ADGRA1: variants seen among roughly 807,000 people sequenced by gnomAD.
The protein encoded by ADGRA1 is G-protein coupled receptor 123.
A neutral mutation model predicts 21.3 loss-of-function variants in ADGRA1; 12 were observed. The ratio of observed to expected loss-of-function variants is 0.56; its 90% CI spans 0.36 to 0.91. The LOEUF (loss-of-function observed/expected upper bound fraction) is 0.91. ADGRA1 is among the 40% of genes least tolerant of loss of function. ADGRA1 has a pLI of 0.01. For missense variants in ADGRA1, 790 were observed against 805.6 expected (o/e 0.98, Z 0.23); for synonymous variants, 385 against 368.8 (o/e 1.04, Z -0.50).
chr10:133,091,828 C>T (rs563540266), intron 2 of ADGRA1, among the ~76,000 whole-genome samples: 2 of 152,232 alleles, frequency 1.3e-5, no homozygotes, highest in Non-Finnish European at 2.9e-5. Flanking sequence ...GGAGACGAGG[C>T]GGGTAGCCAA....
chr10:133,096,833 G>GC (rs935547125), intron 2 of ADGRA1, 141 bp from the exon 3 acceptor site: 8 of 1,038,734 alleles, frequency 7.7e-6, no homozygotes, highest in Non-Finnish European at 9.7e-6. Flanking sequence ...TCCCCAGGCA[G>GC]CCCCCCTTCC....
At chr10:133,113,518 G>A (rs1190128676) in intron 5 of ADGRA1, among the ~76,000 whole-genome samples, 4 of 152,184 alleles carry the variant, frequency 2.6e-5, no homozygotes, top group African/African-American at 4.8e-5. Flanking sequence ...GGACCTGCCC[G>A]TGGCCACGCA....
chr10:133,122,800 G>GCCAGGCACACGCGTCC (rs1852297338), intron 5 of ADGRA1, among the ~76,000 whole-genome samples: 1 of 145,746 alleles, frequency 6.9e-6, no homozygotes, highest in African/African-American at 2.5e-5. Context: ...CGGTTCACCA[G>GCCAGGCACACGCGTCC]CCAGGCACAC....
chr10:133,117,119 C>T (rs753534489), intron 5 of ADGRA1, among the ~76,000 whole-genome samples: 11 of 152,026 alleles, frequency 7.2e-5, no homozygotes, highest in Admixed American at 2.0e-4. Flanking sequence ...CAGCTGGTCG[C>T]CAGTATCAGA....
At chr10:133,121,616 C>CTG (rs986081116) in intron 5 of ADGRA1, among the ~76,000 whole-genome samples, 8 of 86,424 alleles carry the variant, frequency 9.3e-5, no homozygotes, top group Non-Finnish European at 1.8e-4. Flanking sequence ...ATGTGAGTGC[C>CTG]TGTGTGTGTG....
Position 133,116,105 on chromosome 10 carries a change from G to C in ADGRA1, c.402-11128G>C, listed in dbSNP as rs563167578. 2.8e-5 allele frequency among the ~76,000 whole-genome samples: 4 copies of C among 141,424 alleles called. No individual in the cohort carries two copies. The South Asian group carries it at 9.7e-4, about 34-fold the overall frequency. The allele number at this position is 141,424 out of a possible 152,430, so 92.8% of individuals were successfully genotyped here. The stretch of plus-strand genomic sequence containing the variant: ...CTAGACGCATGCCTGGCCCACCCAC[G>C]CCGCTCTGCAGGGGCATTCCTCGTG... On this transcript the variant is annotated intron_variant, in intron 5 of 6. Transcript: ENST00000392607.
chr10:133,088,968 GC>G, intron 2 of ADGRA1, 56 bp downstream of exon 2: 1 of 1,235,596 alleles, frequency 8.1e-7, no homozygotes. Flanking sequence ...CTGCGGGGGG[GC>G]GGCCACCCGT....
chr10:133,100,880 C>A (rs1851779312), intron 4 of ADGRA1, among the ~76,000 whole-genome samples: 1 of 152,180 alleles, frequency 6.6e-6, no homozygotes, highest in Non-Finnish European at 1.5e-5. Context: ...GTGGGAGGTG[C>A]CTGCCGGACG....
At chr10:133,095,771 C>A in intron 2 of ADGRA1, 1 of 1,598,648 alleles carries the variant, frequency 6.3e-7, no homozygotes, top group Admixed American at 1.7e-5. Flanking sequence ...CTGCCTGCAT[C>A]CCGACACAGG....
intron 2 of ADGRA1, chr10:133,092,934 G>C: frequency 1.9e-6 from 3 of 1,561,006 alleles, no homozygotes; most frequent in Non-Finnish European, 2.6e-6. Flanking sequence ...GCACCTGGGA[G>C]GATATGTGTT....
chr10:133,098,709 C>T lies in ADGRA1; in HGVS notation c.201C>T (p.Phe67=). The T allele has an allele frequency of 6.2e-7, 1 of 1,612,012 alleles. No homozygotes were observed. The highest frequency in any genetic ancestry group is 8.5e-7 in the Non-Finnish European group (1 of 1,179,976). The change falls in exon 4 of 7, where the codon TTC becomes TTT. Residue 67 remains phenylalanine, a synonymous_variant. Coordinates refer to ENST00000392607, the MANE Select transcript of ADGRA1 (RefSeq NM_001083909.3). ...TCTGCTTCCACGCGGCCCTGACCTT[C>T]ACTGTGTTCGCCGGCGGCATCAATC... ...LNFCFHAALT[F]TVFAGGINRT...
chr10:133,100,796 A>C (rs921592432), intron 4 of ADGRA1, among the ~76,000 whole-genome samples: 8 of 152,214 alleles, frequency 5.3e-5, no homozygotes, highest in African/African-American at 1.9e-4. Flanking sequence ...ACATGGTCTC[A>C]CTGTGAAGCC....
chr10:133,129,628 ACCCC>A lies in ADGRA1; in HGVS notation c.*118_*121del. The A allele has an allele frequency of 1.8e-6, 1 of 542,264 alleles. No individual in the cohort carries two copies. The allele number at this position is 542,264 out of a possible 1,614,324, so 33.6% of individuals were successfully genotyped here. The stretch of plus-strand genomic sequence containing the variant: ...ACCCCGCCTTTCAGAAGCCGTTCAC[ACCCC>A]TGCCCCTTCCTTGTGATCACACCCC... On this transcript the variant is annotated 3_prime_UTR_variant, in exon 7 of 7. Transcript: ENST00000392607.
intron 2 of ADGRA1, among the ~76,000 whole-genome samples, chr10:133,096,555 G>C (rs1414751747): frequency 6.6e-6 from 1 of 152,244 alleles, no homozygotes; most frequent in Non-Finnish European, 1.5e-5. Flanking sequence ...GGCTCCCAGT[G>C]CAGGGCTGGG....
chr10:133,127,325 C>T lies in ADGRA1; in HGVS notation c.494C>T (p.Thr165Met), dbSNP rs542967776. ...AATTACGGGACAGAGGACGAGGACA[C>T]GGCGTAGTGAGTACCGGGCACCCAG... ...IRNYGTEDED[T>M]AYCWMAWEPS... Residue 165 changes from threonine (T) to methionine (M), a missense_variant, in exon 6 of 7, where the codon ACG becomes ATG. Transcript: ENST00000392607. 19 of 1,592,540 alleles carry T rather than the reference C, an allele frequency of 1.2e-5. No homozygotes were observed. Among genetic ancestry groups the T allele is most frequent in the East Asian group, 9.3e-5 (4 of 42,922 alleles).
chr10:133,089,772 C>G (rs1288079175), intron 2 of ADGRA1, among the ~76,000 whole-genome samples: 1 of 152,220 alleles, frequency 6.6e-6, no homozygotes, highest in Non-Finnish European at 1.5e-5. Flanking sequence ...AATGTCCAAG[C>G]AAGAGAGATG....
In ADGRA1 at chr10:133,116,727, C is replaced by T. The variant is rs180916267; in HGVS notation, c.402-10506C>T. Among the ~76,000 whole-genome samples, 7 of 152,204 alleles carry T rather than the reference C, an allele frequency of 4.6e-5. No individual in the cohort carries two copies. In the East Asian group the frequency reaches 1.4e-3, roughly 30 times the overall value. On this transcript the variant is annotated intron_variant, in intron 5 of 6. Transcript: ENST00000392607. ...GTGTGCCAGGTGGAGCCGATGGAGC[C>T]CCAGGCTTCCTTCCTTTTGGCCGCG...
intron 5 of ADGRA1, among the ~76,000 whole-genome samples, chr10:133,124,201 C>T (rs908173115): frequency 1.1e-4 from 17 of 149,426 alleles, no homozygotes; most frequent in Admixed American, 2.7e-4. Flanking sequence ...GGCTCTGCAC[C>T]CTCCCCGGCT....
Position 133,129,921 on chromosome 10 carries a change from G to A in ADGRA1, c.*410G>A, listed in dbSNP as rs939588263. 1.0e-4 allele frequency: 19 copies of A among 181,342 alleles called. No individual in the cohort carries two copies. Among genetic ancestry groups the A allele is most frequent in the South Asian group, 2.9e-4 (2 of 6,888 alleles). 11.2% of individuals were successfully genotyped at this position (181,342 alleles called of 1,614,324 possible). On this transcript the variant is annotated 3_prime_UTR_variant, in exon 7 of 7. Transcript: ENST00000392607. ...CTGCCCGAGATGCCCTGCTGCCCAC[G>A]GAGTCCTGGCTTCCCCTGGTGTGGC...
Sources: allele counts gnomAD v4.1 joint callset (sites outside exome capture counted in the v4.1 genomes callset), GRCh38; gene constraint gnomAD v4.1.1; transcripts MANE v1.5; gene names NCBI Gene and HGNC (gene_info 2026-07-23, HGNC 2026-07-21).